PLCZ1: variants seen among roughly 807,000 people sequenced by gnomAD.
The protein encoded by PLCZ1 is 1-phosphatidylinositol 4,5-bisphosphate phosphodiesterase zeta-1.
In PLCZ1, 64 loss-of-function variants were observed where a neutral mutation model predicts 76.8. The ratio of observed to expected loss-of-function variants is 0.83; its 90% CI spans 0.68 to 1.03. PLCZ1 has a LOEUF of 1.03. PLCZ1 is among the 50% of genes least tolerant of loss of function. The pLI is 0.00. For missense variants in PLCZ1, 751 were observed against 713.7 expected (o/e 1.05, Z -0.60); for synonymous variants, 248 against 230.8 (o/e 1.07, Z -0.68).
chr12:18,661,285 A>G, the PLCZ1 span, among the ~76,000 whole-genome samples: 1 of 152,246 alleles, frequency 6.6e-6, no homozygotes, highest in African/African-American at 2.4e-5. Context: ...CAAGAATTAT[A>G]AACATCCAAG....
At chr12:18,684,301 T>C (rs768185636) in intron 13 of PLCZ1, 22 bp from the exon 14 acceptor site, 11 of 1,582,932 alleles carry the variant, frequency 6.9e-6, no homozygotes, top group Non-Finnish European at 9.5e-6. Flanking sequence ...AAAAAGAAGA[T>C]ACAAAGAATA....
chr12:18,710,145 A>T (rs1474900391), intron 6 of PLCZ1, among the ~76,000 whole-genome samples: 1 of 149,436 alleles, frequency 6.7e-6, no homozygotes, highest in Non-Finnish European at 1.5e-5. Context: ...GAAATAATAG[A>T]AAGCATTGCA....
chr12:18,736,922 C>T (rs1959375209), intron 2 of PLCZ1, among the ~76,000 whole-genome samples: 1 of 151,646 alleles, frequency 6.6e-6, no homozygotes, highest in South Asian at 2.1e-4. Context: ...ATCAGAAATA[C>T]CATGGTGAGT....
the PLCZ1 span, among the ~76,000 whole-genome samples, chr12:18,673,902 T>A: frequency 6.6e-6 from 1 of 152,186 alleles, no homozygotes; most frequent in African/African-American, 2.4e-5. Flanking sequence ...GCTTGCTTCA[T>A]CATAGTGTGC....
At chr12:18,692,682 A>G (rs1468547667) in intron 12 of PLCZ1, 1 of 691,016 alleles carries the variant, frequency 1.4e-6, no homozygotes, top group Non-Finnish European at 2.5e-6. Flanking sequence ...CATTGAAATC[A>G]GTAAAGAACA....
At chr12:18,704,355 T>G (rs1475799159) in intron 7 of PLCZ1, among the ~76,000 whole-genome samples, 1 of 152,072 alleles carries the variant, frequency 6.6e-6, no homozygotes, top group African/African-American at 2.4e-5. Context: ...GAAGGAGTTT[T>G]GTTCTTTTTG....
chr12:18,660,278 T>C, the PLCZ1 span, among the ~76,000 whole-genome samples: 1 of 152,110 alleles, frequency 6.6e-6, no homozygotes, highest in African/African-American at 2.4e-5. Context: ...GCAGGAGCCA[T>C]AAGGATACTG....
the PLCZ1 span, among the ~76,000 whole-genome samples, chr12:18,655,576 G>A: frequency 6.6e-6 from 1 of 152,054 alleles, no homozygotes; most frequent in African/African-American, 2.4e-5. Flanking sequence ...GAGGATTGGG[G>A]GATTAACTTT....
At chr12:18,650,690 GTGTGTGTGTGTGTGTATATATCTATATA>G in the PLCZ1 span, among the ~76,000 whole-genome samples, 22 of 38,936 alleles carry the variant, frequency 5.7e-4, no homozygotes, top group East Asian at 0.016. Flanking sequence ...GTGTGTGTGT[GTGTGTGTGTGTGTGTATATATCTATATA>G]TATATATATA....
intron 1 of PLCZ1, 111 bp from the exon 2 acceptor site, chr12:18,737,620 G>A (rs1285250806): frequency 6.6e-6 from 4 of 609,606 alleles, no homozygotes; most frequent in African/African-American, 5.5e-5. Context: ...GCACTACCCT[G>A]CCCTTGAAAC....
the PLCZ1 span, among the ~76,000 whole-genome samples, chr12:18,657,027 C>G: frequency 6.6e-6 from 1 of 151,922 alleles, no homozygotes; most frequent in Non-Finnish European, 1.5e-5. Context: ...TCATTCTGAC[C>G]ACAAAGAATT....
In PLCZ1 at chr12:18,701,893, G is replaced by A. The variant is rs534806020; in HGVS notation, c.865-117C>T. 9.1e-6 allele frequency: 13 copies of A among 1,424,928 alleles called. No individual in the cohort carries two copies. In the South Asian group the frequency reaches 1.5e-4, roughly 17 times the overall value. 88.3% of individuals were successfully genotyped at this position (1,424,928 alleles called of 1,614,324 possible). A position where few individuals can be genotyped will look rare whatever the true frequency, so the allele number is the denominator to read the frequency against. On this transcript the variant is annotated intron_variant, in intron 7 of 14. Transcript: ENST00000266505. ...TAGCCTACAGTAATAAGATATGTAA[G>A]AACTCCATTTTTTCCCATACCCCTA...
At chr12:18,695,803 G>T (rs142758329) in intron 11 of PLCZ1, among the ~76,000 whole-genome samples, 4 of 152,164 alleles carry the variant, frequency 2.6e-5, no homozygotes, top group Admixed American at 2.6e-4. Context: ...AATGATAGAG[G>T]TCACTTGATT....
At chr12:18,665,978 G>A in the PLCZ1 span, among the ~76,000 whole-genome samples, 1 of 150,656 alleles carries the variant, frequency 6.6e-6, no homozygotes, top group Non-Finnish European at 1.5e-5. Flanking sequence ...GCATGCCTGA[G>A]GTATGGAGCT....
At chr12:18,676,241 C>T in the PLCZ1 span, among the ~76,000 whole-genome samples, 2 of 152,200 alleles carry the variant, frequency 1.3e-5, no homozygotes, top group African/African-American at 4.8e-5. Context: ...TTAGGTCAAG[C>T]CTCTTTTGAG....
the PLCZ1 span, among the ~76,000 whole-genome samples, chr12:18,660,959 T>C: frequency 1.3e-5 from 2 of 152,022 alleles, no homozygotes; most frequent in African/African-American, 2.4e-5. Flanking sequence ...AATAAAAATA[T>C]AGAAAACCCA....
chr12:18,737,638 C>A, intron 1 of PLCZ1, 129 bp from the exon 2 acceptor site: 1 of 577,722 alleles, frequency 1.7e-6, no homozygotes, highest in South Asian at 2.0e-5. Context: ...AACTGTTTGG[C>A]TTCTTACGTT....
chr12:18,700,036 A>C (rs1955673230), intron 9 of PLCZ1, 86 bp from the exon 10 acceptor site: 1 of 1,099,850 alleles, frequency 9.1e-7, no homozygotes, highest in Admixed American at 2.1e-5. Context: ...ACACTTTCAA[A>C]CAAATGATTT....
chr12:18,684,660 G>T (rs943518379), intron 13 of PLCZ1, among the ~76,000 whole-genome samples: 1 of 152,048 alleles, frequency 6.6e-6, no homozygotes, highest in African/African-American at 2.4e-5. Context: ...TAATCATTAT[G>T]CAATATGACT....
Sources: gnomAD v4.1 joint callset for allele counts (sites outside exome capture counted in the v4.1 genomes callset) on GRCh38, gnomAD v4.1.1 for gene constraint, MANE v1.5 for transcripts, NCBI Gene and HGNC (gene_info 2026-07-23, HGNC 2026-07-21) for gene names.